Variants in NCOA7 observed in about 807,000 individuals in gnomAD.
NCOA7 encodes the protein nuclear receptor coactivator 7, also known as 140 kDa estrogen receptor-associated protein.
A neutral mutation model predicts 104.3 loss-of-function variants in NCOA7; 45 were observed. The observed-to-expected ratio is 0.43, with a 90% CI of 0.34 to 0.55. NCOA7 has a LOEUF of 0.55. Ranked by LOEUF, NCOA7 falls within the 20% of genes least tolerant of loss-of-function variation. The pLI, the probability that NCOA7 is intolerant of heterozygous loss-of-function variation, is 0.02. For synonymous variants in NCOA7, 398 were observed against 402.3 expected, an observed-to-expected ratio of 0.99 and a Z score of 0.13; for missense variants, 1,041 against 1,119.7, an observed-to-expected ratio of 0.93 and a Z score of 1.00.
upstream of NCOA7, among the ~76,000 whole-genome samples, chr6:125,788,291 G>A (rs548086650): frequency 1.6e-3 from 239 of 152,284 alleles, no homozygotes; most frequent in African/African-American, 5.4e-3. Flanking sequence ...GACAACACAT[G>A]CAAGGAAGAG....
chr6:125,793,178 T>G (rs1470714032), intron 1 of NCOA7, among the ~76,000 whole-genome samples: 1 of 152,200 alleles, frequency 6.6e-6, no homozygotes, highest in Non-Finnish European at 1.5e-5. Flanking sequence ...TATGATTTAT[T>G]AAAACAAAGC....
chr6:125,870,657 C>T (rs555493387), intron 3 of NCOA7, among the ~76,000 whole-genome samples: 4 of 152,290 alleles, frequency 2.6e-5, no homozygotes, highest in African/African-American at 7.2e-5. Context: ...CCTCCAGGCC[C>T]CAGGCATACT....
Position 125,888,952 on chromosome 6 carries a change from G to A in NCOA7, c.898G>A (p.Asp300Asn), listed in dbSNP as rs770038637. The A allele has an allele frequency of 1.2e-5, 19 of 1,599,836 alleles. No homozygotes were observed. The East Asian group carries it at 3.8e-4, about 32-fold the overall frequency. ...KDALPSDLPQ[D>N]LCPLYRPGEW... Reference sequence around the variant, plus strand: ...CTCCCCCAACAGTGACCTACCTCAGGATCTTTGTCCTCTGTACAGGCCTGG... The same window carrying A: ...CTCCCCCAACAGTGACCTACCTCAGAATCTTTGTCCTCTGTACAGGCCTGG... Residue 300 changes from aspartate (D) to asparagine (N), a missense_variant, in exon 9 of 16, where the codon GAT becomes AAT. This residue lies in a region of NCOA7 where 914 missense variants were observed against 942.7 expected (regional missense o/e 0.97). Transcript: ENST00000392477.
chr6:125,848,107 C>T (rs1029135818), intron 2 of NCOA7, among the ~76,000 whole-genome samples: 1 of 152,200 alleles, frequency 6.6e-6, no homozygotes, highest in Non-Finnish European at 1.5e-5. Context: ...GAGATACCAT[C>T]TTACGCCAGT....
At chr6:125,911,536 G>C (rs1786552014) in intron 10 of NCOA7, among the ~76,000 whole-genome samples, 1 of 152,148 alleles carries the variant, frequency 6.6e-6, no homozygotes, top group African/African-American at 2.4e-5. Flanking sequence ...GCTCTGGTTT[G>C]AATGCTTACC....
chr6:125,825,481 A>G (rs1711843196), intron 2 of NCOA7, among the ~76,000 whole-genome samples: 1 of 152,228 alleles, frequency 6.6e-6, no homozygotes, highest in Non-Finnish European at 1.5e-5. Context: ...TGTGTATGTG[A>G]GAATATATTA....
chr6:125,888,013 C>T (rs1784376288), intron 8 of NCOA7, among the ~76,000 whole-genome samples: 1 of 151,976 alleles, frequency 6.6e-6, no homozygotes, highest in Admixed American at 6.6e-5. Context: ...GTTTGCTGCT[C>T]TCTAGTCATT....
At chr6:125,921,255 C>G (rs1337347692) in intron 12 of NCOA7, among the ~76,000 whole-genome samples, 187 bp downstream of exon 12, 3 of 152,086 alleles carry the variant, frequency 2.0e-5, no homozygotes, top group Non-Finnish European at 2.9e-5. Flanking sequence ...ACTAAAAATA[C>G]AAAAATTGGC....
chr6:125,785,816 T>A (rs950508556), intron 1 of NCOA7, among the ~76,000 whole-genome samples: 2 of 152,204 alleles, frequency 1.3e-5, no homozygotes, highest in Non-Finnish European at 2.9e-5. Context: ...TTGGGCTAAC[T>A]CTAAATAATC....
chr6:125,783,907 G>C (rs1044722924), intron 1 of NCOA7, among the ~76,000 whole-genome samples: 1 of 152,172 alleles, frequency 6.6e-6, no homozygotes, highest in Admixed American at 6.5e-5. Context: ...GACAACTGCA[G>C]GGTAGGTATT....
intron 3 of NCOA7, among the ~76,000 whole-genome samples, chr6:125,866,306 A>G (rs1296325612): frequency 1.3e-5 from 2 of 152,088 alleles, no homozygotes; most frequent in East Asian, 1.9e-4. Context: ...TCCAGCCTGG[A>G]CAACAAGAGC....
Position 125,889,518 on chromosome 6 carries a change from G to C in NCOA7, c.1464G>C (p.Glu488Asp), listed in dbSNP as rs368223793. ...LKGALDLETC[E>D]KQDIMPEVDK... ...GGGCGCTAGATTTAGAAACCTGTGAGAAGCAAGATATAATGCCAGAAGTGG... is the reference window on the plus strand; with the variant it reads ...GGGCGCTAGATTTAGAAACCTGTGACAAGCAAGATATAATGCCAGAAGTGG... Residue 488 changes from glutamate (E) to aspartate (D), a missense_variant, in exon 9 of 16, where the codon GAG (glutamate) becomes GAC (aspartate). Coordinates refer to ENST00000392477, the MANE Select transcript of NCOA7 (RefSeq NM_181782.5). 31 of 1,614,134 alleles carry C rather than the reference G, an allele frequency of 1.9e-5. No individual in the cohort carries two copies. Among genetic ancestry groups the C allele is most frequent in the Non-Finnish European group, 2.6e-5 (31 of 1,180,010 alleles).
At chr6:125,918,317 C>T (rs562828919) in intron 11 of NCOA7, among the ~76,000 whole-genome samples, 12 of 152,246 alleles carry the variant, frequency 7.9e-5, no homozygotes, top group Non-Finnish European at 1.6e-4. Flanking sequence ...AATAAATGTC[C>T]GCTGTCCTGG....
At chr6:125,862,059 AAAAAAG>A (rs1782110795) in intron 3 of NCOA7, among the ~76,000 whole-genome samples, 1 of 128,442 alleles carries the variant, frequency 7.8e-6, no homozygotes, top group Admixed American at 7.3e-5. Context: ...AAAAAAAAAA[AAAAAAG>A]AAAGTGATAA....
chr6:125,847,940 A>G (rs995099072), intron 2 of NCOA7, among the ~76,000 whole-genome samples: 2 of 152,196 alleles, frequency 1.3e-5, no homozygotes, highest in African/African-American at 4.8e-5. Context: ...TCTACAAAGA[A>G]CTCAAACAAA....
intron 10 of NCOA7, chr6:125,913,555 T>C (rs1303635542): frequency 3.2e-6 from 2 of 632,158 alleles, no homozygotes; most frequent in Non-Finnish European, 3.9e-6. Context: ...ATAGTATCTA[T>C]CAATATCTAT....
intron 10 of NCOA7, among the ~76,000 whole-genome samples, chr6:125,893,859 C>T (rs17053661): frequency 0.014 from 2,111 of 152,272 alleles, 42 homozygotes; most frequent in African/African-American, 0.048. Context: ...CTGTACACTA[C>T]GACTTGAAAC....
At chr6:125,839,472 CTGTCGGGTGGGGCTGAAAGTTCCA>C (rs1779927793) in intron 2 of NCOA7, among the ~76,000 whole-genome samples, 3 of 151,274 alleles carry the variant, frequency 2.0e-5, no homozygotes, top group African/African-American at 7.4e-5. Context: ...GAGAAGTGGA[CTGTCGGGTGGGGCTGAAAGTTCCA>C]ACCTTTTAAT....
In NCOA7 at chr6:125,864,702, G is replaced by A. The variant is rs78351640; in HGVS notation, c.271+9462G>A. ...ACGAGCCAGGATGAGGGAAAAATAC[G>A]CCGAGTTTGCCAGTGTCTTGATCTC... is the stretch of plus-strand genomic sequence containing the variant. On this transcript the variant is annotated intron_variant, in intron 3 of 15. Coordinates refer to ENST00000392477, the MANE Select transcript of NCOA7 (RefSeq NM_181782.5). Among the ~76,000 whole-genome samples the A allele has an allele frequency of 2.3e-3, 312 of 137,158 alleles. 67 individuals are homozygous for A. The highest frequency in any genetic ancestry group is 7.8e-3 in the African/African-American group (256 of 32,626). The allele number at this position is 137,158 out of a possible 152,430, so 90.0% of individuals were successfully genotyped here. A position where few individuals can be genotyped will look rare whatever the true frequency, so the allele number is the denominator to read the frequency against.
Sources: allele counts gnomAD v4.1 joint callset (sites outside exome capture counted in the v4.1 genomes callset), GRCh38; gene constraint gnomAD v4.1.1; regional missense constraint gnomAD v4.1.1; transcripts MANE v1.5; gene names NCBI Gene and HGNC (gene_info 2026-07-23, HGNC 2026-07-21).